SLC28A3: variants seen among roughly 807,000 people sequenced by gnomAD.
The protein encoded by SLC28A3 is concentrative Na(+)-nucleoside cotransporter 3.
SLC28A3 carries 68 observed loss-of-function variants against 84.2 expected under a neutral mutation model. That is an observed-to-expected ratio of 0.81 (90% CI 0.66 to 0.99). The LOEUF (loss-of-function observed/expected upper bound fraction) is 0.99, where lower values mean the gene tolerates loss of function less well. SLC28A3 is among the 50% of genes least tolerant of loss of function. The probability of loss-of-function intolerance (pLI) is 0.00; values close to 1 mark genes in which losing one functional copy is unlikely to be tolerated. For synonymous variants in SLC28A3, 267 were observed against 303.6 expected (o/e 0.88, Z 1.25); for missense variants, 712 against 841.5 (o/e 0.85, Z 1.90).
intron 14 of SLC28A3, among the ~76,000 whole-genome samples, chr9:84,285,032 A>C (rs4877832): frequency 0.52 from 78,761 of 151,992 alleles, 23,423 homozygotes; most frequent in African/African-American, 0.81. Context: ...AGGCATTCAA[A>C]AAATTTTGGT....
chr9:84,304,742 C>A (rs1027607838), intron 4 of SLC28A3, among the ~76,000 whole-genome samples: 3 of 152,200 alleles, frequency 2.0e-5, no homozygotes, highest in Admixed American at 6.5e-5. Context: ...AGCTGCTGGG[C>A]CCGGCACAGT....
At chr9:84,364,369 TACAGGCATGAGTC>T in the SLC28A3 span, among the ~76,000 whole-genome samples, 1 of 152,068 alleles carries the variant, frequency 6.6e-6, no homozygotes, top group Admixed American at 6.6e-5. Context: ...ATGCTGGGAT[TACAGGCATGAGTC>T]ACCACGCCTG....
At position 84,302,289 on chromosome 9, in the gene SLC28A3, A is replaced by G. The variant is rs1825663059; in HGVS notation, c.435T>C (p.Asp145=). Reference sequence around the variant, plus strand: ...GATGTTCGTATTTGGCCATCAGGTGATCCCAGACAACAAAGAAGATGGCAG... The same window carrying G: ...GATGTTCGTATTTGGCCATCAGGTGGTCCCAGACAACAAAGAAGATGGCAG... The part of the protein sequence containing the change: ...TVAAIFFVVW[D]HLMAKYEHRI... Residue 145 remains aspartate, a synonymous_variant, in exon 5 of 18, where the codon GAT becomes GAC. Transcript: ENST00000376238. The G allele has an allele frequency of 6.2e-7, 1 of 1,614,066 alleles. No homozygotes were observed. The highest frequency in any genetic ancestry group is 1.3e-5 in the African/African-American group (1 of 74,922).
chr9:84,366,065 A>C, the SLC28A3 span, among the ~76,000 whole-genome samples: 1 of 151,952 alleles, frequency 6.6e-6, no homozygotes, highest in Non-Finnish European at 1.5e-5. Flanking sequence ...CAAAAAAACA[A>C]AAAAAAGATT....
chr9:84,340,827 GC>G, upstream of SLC28A3: 1 of 570,442 alleles, frequency 1.8e-6, no homozygotes, highest in Non-Finnish European at 3.1e-6. Flanking sequence ...AGAGAGGCGG[GC>G]GGGTTGGCGG....
intron 1 of SLC28A3, among the ~76,000 whole-genome samples, chr9:84,331,180 G>C (rs1025968518): frequency 6.6e-6 from 1 of 152,168 alleles, no homozygotes; most frequent in Non-Finnish European, 1.5e-5. Flanking sequence ...AAAGAGTAGA[G>C]AATATACTTT....
At chr9:84,365,437 G>C in the SLC28A3 span, among the ~76,000 whole-genome samples, 8 of 152,040 alleles carry the variant, frequency 5.3e-5, no homozygotes, top group Non-Finnish European at 1.2e-4. Context: ...TTTGTCAAAT[G>C]AGTAGTTTGC....
intron 10 of SLC28A3, 93 bp from the exon 11 acceptor site, chr9:84,290,372 G>A (rs1445502105): frequency 2.0e-6 from 3 of 1,495,272 alleles, no homozygotes; most frequent in Non-Finnish European, 2.7e-6. Flanking sequence ...ATTCTTTAAA[G>A]CAGACAGTTT....
chr9:84,323,605 A>T (rs1826451160), intron 1 of SLC28A3, among the ~76,000 whole-genome samples: 1 of 151,828 alleles, frequency 6.6e-6, no homozygotes, highest in African/African-American at 2.4e-5. Context: ...TTGTATTTTT[A>T]GTAAAGACGG....
At chr9:84,337,620 C>T (rs1827026233) in intron 1 of SLC28A3, among the ~76,000 whole-genome samples, 1 of 152,080 alleles carries the variant, frequency 6.6e-6, no homozygotes, top group South Asian at 2.1e-4. Context: ...ATAAGAAATC[C>T]TTAGATATTC....
At chr9:84,324,417 G>C (rs142162231) in intron 1 of SLC28A3, among the ~76,000 whole-genome samples, 1 of 152,154 alleles carries the variant, frequency 6.6e-6, no homozygotes, top group African/African-American at 2.4e-5. Context: ...GCTAAGGTAG[G>C]TGGATTGCTC....
At chr9:84,336,710 G>A (rs1476383191) in intron 1 of SLC28A3, among the ~76,000 whole-genome samples, 1 of 152,102 alleles carries the variant, frequency 6.6e-6, no homozygotes, top group Non-Finnish European at 1.5e-5. Flanking sequence ...CGTAAATTCT[G>A]AGCGATTCCT....
chr9:84,338,971 C>T (rs1827070186), intron 1 of SLC28A3, among the ~76,000 whole-genome samples: 1 of 152,132 alleles, frequency 6.6e-6, no homozygotes, highest in Admixed American at 6.5e-5. Flanking sequence ...CACAGGTGTC[C>T]CGCTTGCTCA....
chr9:84,279,947 C>G lies in SLC28A3; in HGVS notation c.1828+28G>C, dbSNP rs1162412867. 3 of 1,608,926 alleles carry G rather than the reference C, an allele frequency of 1.9e-6. No homozygotes were observed. The African/African-American group carries it at 4.0e-5, about 22-fold the overall frequency. ...AAAGCTGCCATTCATCCTGTGGGCACTGGGACACAAAGGACAGGGTGCGGT... is the reference window on the plus strand; with the variant it reads ...AAAGCTGCCATTCATCCTGTGGGCAGTGGGACACAAAGGACAGGGTGCGGT... On this transcript the variant is annotated intron_variant, in intron 16 of 17. Coordinates refer to ENST00000376238, the MANE Select transcript of SLC28A3 (RefSeq NM_001199633.2).
At chr9:84,327,237 A>G (rs1303966463) in intron 1 of SLC28A3, among the ~76,000 whole-genome samples, 1 of 152,076 alleles carries the variant, frequency 6.6e-6, no homozygotes, top group Non-Finnish European at 1.5e-5. Flanking sequence ...TGATGGCTGT[A>G]ATCTTGAAAA....
the SLC28A3 span, among the ~76,000 whole-genome samples, chr9:84,352,737 G>T: frequency 6.6e-6 from 1 of 151,074 alleles, no homozygotes; most frequent in Non-Finnish European, 1.5e-5. Flanking sequence ...ATCAAAAAAA[G>T]AAAAAATTAG....
At chr9:84,359,454 G>A in the SLC28A3 span, among the ~76,000 whole-genome samples, 1 of 152,154 alleles carries the variant, frequency 6.6e-6, no homozygotes, top group Non-Finnish European at 1.5e-5. Context: ...CATACCACGA[G>A]GGAGTAAGGA....
At chr9:84,329,512 GTCTTCCCCAACCACAATTTGGGGA>G (rs1826695553) in intron 1 of SLC28A3, among the ~76,000 whole-genome samples, 1 of 152,142 alleles carries the variant, frequency 6.6e-6, no homozygotes, top group African/African-American at 2.4e-5. Context: ...AAGATAATGT[GTCTTCCCCAACCACAATTTGGGGA>G]AAACTTATAA....
upstream of SLC28A3, chr9:84,340,794 C>T (rs1827137074): frequency 9.3e-6 from 6 of 646,104 alleles, no homozygotes; most frequent in South Asian, 1.9e-5. Context: ...ATGACTAGGG[C>T]TGACACCTGG....
Sources: gnomAD v4.1 joint callset for allele counts (sites outside exome capture counted in the v4.1 genomes callset) on GRCh38, gnomAD v4.1.1 for gene constraint, MANE v1.5 for transcripts, NCBI Gene and HGNC (gene_info 2026-07-23, HGNC 2026-07-21) for gene names.